The following HPGD variants were observed in gnomAD, a reference collection of about 807,000 sequenced individuals.
The protein encoded by HPGD is 15-hydroxyprostaglandin dehydrogenase.
HPGD carries 29 observed loss-of-function variants against 30.0 expected under a neutral mutation model. The ratio of observed to expected loss-of-function variants is 0.97; its 90% CI spans 0.72 to 1.32. HPGD has a LOEUF of 1.32. HPGD is among the 40% of genes most tolerant of loss of function. The pLI is 0.00. For missense variants in HPGD, 340 were observed against 322.1 expected (o/e 1.06, Z -0.43); for synonymous variants, 99 against 112.4 (o/e 0.88, Z 0.75).
chr4:174,499,518 C>G (rs1032499993), intron 4 of HPGD, among the ~76,000 whole-genome samples: 3 of 152,094 alleles, frequency 2.0e-5, no homozygotes, highest in Non-Finnish European at 4.4e-5. Context: ...ATGGAAAGTC[C>G]TCAGAAGAGT....
intron 3 of HPGD, 127 bp downstream of exon 3, chr4:174,517,844 C>T: frequency 1.7e-6 from 1 of 603,550 alleles, no homozygotes; most frequent in Non-Finnish European, 3.0e-6. Context: ...ATCCAGCTTT[C>T]TGTAACTTCC....
intron 4 of HPGD, among the ~76,000 whole-genome samples, chr4:174,503,116 ATATT>A (rs1735003187): frequency 1.3e-5 from 2 of 152,174 alleles, no homozygotes; most frequent in Admixed American, 1.3e-4. Context: ...TCATTTACAA[ATATT>A]TAATCATTCC....
chr4:174,520,467 T>A (rs878987724), intron 2 of HPGD, among the ~76,000 whole-genome samples: 2 of 152,232 alleles, frequency 1.3e-5, no homozygotes, highest in Non-Finnish European at 2.9e-5. Context: ...ACTGGAAGAA[T>A]CAATGTCATG....
chr4:174,517,026 A>G (rs567175005), intron 3 of HPGD, among the ~76,000 whole-genome samples: 5 of 152,168 alleles, frequency 3.3e-5, no homozygotes, highest in Non-Finnish European at 7.4e-5. Flanking sequence ...ACAGTGGCCA[A>G]ATTGTACTCT....
chr4:174,492,913 G>A lies in HPGD; in HGVS notation c.662+238C>T, dbSNP rs1734407678. Among the ~76,000 whole-genome samples the A allele has an allele frequency of 1.3e-5, 2 of 152,058 alleles. No homozygotes were observed. Reference sequence around the variant, plus strand: ...AAAGGTGACTAAATATCAACTTTATGACTGATGGTAGTAATGAAGCATTTT... The same window carrying A: ...AAAGGTGACTAAATATCAACTTTATAACTGATGGTAGTAATGAAGCATTTT... On this transcript the variant is annotated intron_variant, in intron 6 of 6. Coordinates refer to ENST00000296522, the MANE Select transcript of HPGD (RefSeq NM_000860.6). This position sits in a 1 kb window ranked among gnomAD's most constrained non-coding sequence, Gnocchi z 4.9.
chr4:174,516,031 T>C (rs559343360), intron 3 of HPGD, among the ~76,000 whole-genome samples: 10 of 152,300 alleles, frequency 6.6e-5, no homozygotes, highest in South Asian at 6.2e-4. Flanking sequence ...GGAACACTTA[T>C]ATGCTGCTGG....
chr4:174,501,290 A>G (rs1734887906), intron 4 of HPGD, among the ~76,000 whole-genome samples: 1 of 152,132 alleles, frequency 6.6e-6, no homozygotes, highest in Non-Finnish European at 1.5e-5. Flanking sequence ...AAAATTAGGG[A>G]GCACATGGAA....
rs375335006 is a variant in HPGD at position 174,495,600 on chromosome 4, G to A, written c.446C>T (p.Pro149Leu). The change falls in exon 5 of 7, where the codon CCG becomes CTG. Residue 149 changes from proline (P) to leucine (L), a missense_variant. Coordinates refer to ENST00000296522, the MANE Select transcript of HPGD (RefSeq NM_000860.6). ...GCCATGCTTTGAAGCACAATAAACC[G>A]GCTGCTGTGCAACGGGCATGAGTCC... is the stretch of plus-strand genomic sequence containing the variant. ...LAGLMPVAQQ[P>L]VYCASKHGIV... The A allele has an allele frequency of 8.7e-6, 14 of 1,613,530 alleles. No individual in the cohort carries two copies. The highest frequency in any genetic ancestry group is 1.1e-5 in the Non-Finnish European group (13 of 1,179,682).
intron 4 of HPGD, among the ~76,000 whole-genome samples, chr4:174,500,119 C>A (rs1734831072): frequency 1.3e-5 from 2 of 152,126 alleles, no homozygotes; most frequent in Non-Finnish European, 2.9e-5. Context: ...GCCTGGGCAA[C>A]ACAGTGAGAC....
chr4:174,504,102 C>T (rs1451882371), intron 4 of HPGD, among the ~76,000 whole-genome samples: 3 of 152,144 alleles, frequency 2.0e-5, no homozygotes, highest in African/African-American at 7.2e-5. Context: ...ATATACAGCT[C>T]TTGGGGTAGA....
chr4:174,519,647 G>C (rs1430387528), intron 2 of HPGD, among the ~76,000 whole-genome samples: 1 of 152,010 alleles, frequency 6.6e-6, no homozygotes, highest in African/African-American at 2.4e-5. Flanking sequence ...CCATCTCCTG[G>C]CTCATCCTGG....
rs770403607 is a variant in HPGD at position 174,518,018 on chromosome 4, C to T, written c.277G>A (p.Gly93Arg). The change falls in exon 3 of 7, where the codon GGA (glycine) becomes AGA (arginine). Residue 93 changes from glycine (G) to arginine (R), a missense_variant. Physicochemically the swap from Gly to Arg is moderately radical, Grantham distance 125. Transcript: ENST00000296522. The part of the protein sequence containing the change: ...GRLDILVNNA[G>R]VNNEKNWEKT... ...TCCCAGTTTTTCTCATTATTCACTC[C>T]AGCATTATTGACCAAAATGTCCAGT... 1 of 1,608,484 alleles carries T rather than the reference C, an allele frequency of 6.2e-7. No homozygotes were observed. The highest frequency in any genetic ancestry group is 8.5e-7 in the Non-Finnish European group (1 of 1,175,134).
upstream of HPGD, chr4:174,522,537 G>C (rs558988612): frequency 9.0e-5 from 91 of 1,005,674 alleles, 1 homozygote; most frequent in African/African-American, 1.5e-3. Context: ...GCGCGCGCGC[G>C]TGCAGCCCGG....
chr4:174,496,320 A>G lies in HPGD; in HGVS notation c.422-696T>C, dbSNP rs1734594319. On this transcript the variant is annotated intron_variant, in intron 4 of 6. Transcript: ENST00000296522. The surrounding 1 kb of genome is among the most constrained non-coding windows in gnomAD (Gnocchi z 4.6). ...CAATTACAGAATGTTTTATTTTGTAATTTTCCACATATGCACAACAGTAAC... is the reference window on the plus strand; with the variant it reads ...CAATTACAGAATGTTTTATTTTGTAGTTTTCCACATATGCACAACAGTAAC... Among the ~76,000 whole-genome samples, 3 of 152,072 alleles carry G rather than the reference A, an allele frequency of 2.0e-5. No individual in the cohort carries two copies.
chr4:174,498,475 T>G (rs368586158), intron 4 of HPGD, among the ~76,000 whole-genome samples: 235 of 152,264 alleles, frequency 1.5e-3, no homozygotes, highest in African/African-American at 5.3e-3. Flanking sequence ...AAAAGTTTCC[T>G]TGTGCCCCTT....
At chr4:174,506,545 A>T (rs1011260888) in intron 4 of HPGD, among the ~76,000 whole-genome samples, 1 of 152,194 alleles carries the variant, frequency 6.6e-6, no homozygotes, top group Admixed American at 6.5e-5. Context: ...CTTGATGTAT[A>T]AGCTTAGGCA....
intron 2 of HPGD, among the ~76,000 whole-genome samples, chr4:174,520,232 C>T (rs750563587): frequency 6.6e-6 from 1 of 152,158 alleles, no homozygotes; most frequent in African/African-American, 2.4e-5. Context: ...TGTTTTCTGA[C>T]ATCCCATTGA....
At chr4:174,500,762 A>T (rs1734861347) in intron 4 of HPGD, among the ~76,000 whole-genome samples, 1 of 152,184 alleles carries the variant, frequency 6.6e-6, no homozygotes. Context: ...ACAGGTGGAG[A>T]ACAGGGTTTT....
rs1338516791 is a variant in HPGD at position 174,497,575 on chromosome 4, T to C, written c.422-1951A>G. On this transcript the variant is annotated intron_variant, in intron 4 of 6. Coordinates refer to ENST00000296522, the MANE Select transcript of HPGD (RefSeq NM_000860.6). ...TTTTCTTTCTTTTTCTTTCTTTTTT[T>C]TTTTTTTTTTTTTTTTTTTTTGAGA... 2.3e-3 allele frequency among the ~76,000 whole-genome samples: 231 copies of C among 100,286 alleles called. 5 individuals carry two copies. Among genetic ancestry groups the C allele is most frequent in the African/African-American group, 8.4e-3 (196 of 23,406 alleles). 65.8% of individuals were successfully genotyped at this position (100,286 alleles called of 152,430 possible). A position where few individuals can be genotyped will look rare whatever the true frequency, so the allele number is the denominator to read the frequency against.
Sources: allele counts gnomAD v4.1 joint callset (sites outside exome capture counted in the v4.1 genomes callset), GRCh38; gene constraint gnomAD v4.1.1; non-coding constraint Gnocchi (gnomAD v3.1); transcripts MANE v1.5; gene names NCBI Gene and HGNC (gene_info 2026-07-23, HGNC 2026-07-21).